VCAN: variants seen among roughly 807,000 people sequenced by gnomAD.
VCAN encodes the protein versican core protein.
A neutral mutation model predicts 245.5 loss-of-function variants in VCAN; 44 were observed. The ratio of observed to expected loss-of-function variants is 0.18; its 90% CI spans 0.14 to 0.23. The LOEUF (loss-of-function observed/expected upper bound fraction) is 0.23, where lower values mean the gene tolerates loss of function less well. Among genes scored for constraint, VCAN ranks in the 10% least tolerant of loss-of-function variants. The pLI is 1.00. For synonymous variants in VCAN, 1,413 were observed against 1,437.0 expected, an observed-to-expected ratio of 0.98 and a Z score of 0.38; for missense variants, 3,793 against 4,057.9, an observed-to-expected ratio of 0.93 and a Z score of 1.77.
chr5:83,528,513 A>G (rs1054399293), intron 7 of VCAN, among the ~76,000 whole-genome samples: 37 of 152,204 alleles, frequency 2.4e-4, no homozygotes, highest in African/African-American at 8.9e-4. Context: ...AAACTAGTAC[A>G]GTTCATGAAA....
At chr5:83,510,306 A>G (rs983615209) in intron 5 of VCAN, among the ~76,000 whole-genome samples, 3 of 152,172 alleles carry the variant, frequency 2.0e-5, no homozygotes, top group African/African-American at 4.8e-5. Context: ...TGCTTTGGCC[A>G]TTTTCCCCAT....
At chr5:83,568,923 T>C (rs143378709) in intron 12 of VCAN, among the ~76,000 whole-genome samples, 39 of 152,184 alleles carry the variant, frequency 2.6e-4, no homozygotes, top group African/African-American at 8.7e-4. Context: ...CACACACACA[T>C]ACATCCATAC....
At chr5:83,525,026 C>T (rs1422086853) in intron 7 of VCAN, among the ~76,000 whole-genome samples, 2 of 150,396 alleles carry the variant, frequency 1.3e-5, no homozygotes, top group African/African-American at 4.9e-5. Context: ...TTGCTGCACT[C>T]AGCGAGTCAT....
At chr5:83,535,828 A>G (rs1198677096) in intron 7 of VCAN, 1 of 152,138 alleles carries the variant, frequency 6.6e-6, no homozygotes, top group Non-Finnish European at 1.5e-5. Flanking sequence ...TTGAAAACTC[A>G]TTCTGTAGTA....
Position 83,539,367 on chromosome 5 carries a change from G to A in VCAN, c.6364G>A (p.Glu2122Lys). The change falls in exon 8 of 15, where the codon GAA becomes AAA. Residue 2122 changes from glutamate (E) to lysine (K), a missense_variant. Physicochemically the swap from Glu to Lys is moderately conservative, Grantham distance 56. This residue lies in a region of VCAN where 3,182 missense variants were observed against 3,250.3 expected (regional missense o/e 0.98). Coordinates refer to ENST00000265077, the MANE Select transcript of VCAN (RefSeq NM_004385.5). ...AACAACATCAGAGGAACAAATTCAA[G>A]AAGAAAAGTCATTTGAATCCCCTCA... ...SETTSEEQIQEEKSFESPQNS... is the reference protein window; with the variant it reads ...SETTSEEQIQKEKSFESPQNS... 6.2e-7 allele frequency: 1 copy of A among 1,614,008 alleles called. No individual in the cohort carries two copies. Among genetic ancestry groups the A allele is most frequent in the South Asian group, 1.1e-5 (1 of 91,076 alleles).
intron 7 of VCAN, among the ~76,000 whole-genome samples, chr5:83,529,935 G>A (rs2112426735): frequency 6.6e-6 from 1 of 152,148 alleles, no homozygotes; most frequent in South Asian, 2.1e-4. Flanking sequence ...GTTCTAAATA[G>A]GTAAAAGCCA....
chr5:83,519,852 A>C lies in VCAN; in HGVS notation c.1546A>C (p.Thr516Pro), dbSNP rs756803099. Residue 516 changes from threonine to proline, a missense_variant, in exon 7 of 15, where the codon ACT becomes CCT. Thr to Pro is a conservative substitution (Grantham distance 38). Transcript: ENST00000265077. ...KHIPSKEFPV[T>P]ETPLVTARMI... ...CATTCCTTCCAAGGAATTCCCTGTA[A>C]CTGAAACACCATTGGTAACTGCAAG... 6.2e-7 allele frequency: 1 copy of C among 1,614,172 alleles called. No homozygotes were observed. The highest frequency in any genetic ancestry group is 2.2e-5 in the East Asian group (1 of 44,886).
chr5:83,524,480 T>C (rs1471585063), intron 7 of VCAN, among the ~76,000 whole-genome samples: 2 of 152,076 alleles, frequency 1.3e-5, no homozygotes, highest in African/African-American at 4.8e-5. Context: ...AGGGGATGTA[T>C]CTGTGGAATA....
chr5:83,511,425 C>G (rs1254436271), intron 5 of VCAN, among the ~76,000 whole-genome samples: 3 of 151,994 alleles, frequency 2.0e-5, no homozygotes, highest in Admixed American at 1.3e-4. Context: ...CTAGGCCTTC[C>G]CTACACACTG....
intron 1 of VCAN, among the ~76,000 whole-genome samples, chr5:83,475,568 G>T (rs151313021): frequency 0.015 from 2,255 of 152,318 alleles, 18 homozygotes; most frequent in Non-Finnish European, 0.024. Flanking sequence ...TGAGATAGAA[G>T]CGGTTCCCAG....
Position 83,573,114 on chromosome 5 carries a change from G to A in VCAN, c.9880+554G>A, listed in dbSNP as rs564290855. Among the ~76,000 whole-genome samples, 7 of 151,874 alleles carry A rather than the reference G, an allele frequency of 4.6e-5. No homozygotes were observed. In the South Asian group the frequency reaches 1.5e-3, roughly 32 times the overall value. Reference sequence around the variant, plus strand: ...GGGGTTTCACCGTGTTAGCCAGGATGGTCTCAATCTCTTGACCTTGTAATC... The same window carrying A: ...GGGGTTTCACCGTGTTAGCCAGGATAGTCTCAATCTCTTGACCTTGTAATC... On this transcript the variant is annotated intron_variant, in intron 13 of 14. Coordinates refer to ENST00000265077, the MANE Select transcript of VCAN (RefSeq NM_004385.5).
At chr5:83,549,993 C>A (rs1446132867) in intron 10 of VCAN, among the ~76,000 whole-genome samples, 1 of 152,148 alleles carries the variant, frequency 6.6e-6, no homozygotes, top group Non-Finnish European at 1.5e-5. Context: ...TAGTAACTTC[C>A]CAAGTCACAG....
At chr5:83,549,154 T>C (rs1164324101) in intron 10 of VCAN, among the ~76,000 whole-genome samples, 1 of 152,194 alleles carries the variant, frequency 6.6e-6, no homozygotes, top group East Asian at 1.9e-4. Context: ...CATTCCAATA[T>C]GTTAAACATG....
intron 12 of VCAN, among the ~76,000 whole-genome samples, chr5:83,557,631 A>G (rs1167393340): frequency 1.3e-5 from 2 of 152,164 alleles, no homozygotes; most frequent in Non-Finnish European, 2.9e-5. Context: ...TCTGAAAAAC[A>G]TAACAGTGAC....
intron 7 of VCAN, among the ~76,000 whole-genome samples, chr5:83,530,187 G>A (rs1746464006): frequency 6.6e-6 from 1 of 152,026 alleles, no homozygotes; most frequent in Non-Finnish European, 1.5e-5. Flanking sequence ...TTCCTCAGTT[G>A]TGAAAGTTGG....
At chr5:83,543,662 A>G (rs1288827628) in intron 8 of VCAN, among the ~76,000 whole-genome samples, 1 of 152,200 alleles carries the variant, frequency 6.6e-6, no homozygotes, top group Non-Finnish European at 1.5e-5. Context: ...AGTTTAATAT[A>G]CTTCAGTTTG....
At chr5:83,569,725 A>T (rs1748218059) in intron 12 of VCAN, among the ~76,000 whole-genome samples, 1 of 152,146 alleles carries the variant, frequency 6.6e-6, no homozygotes, top group Non-Finnish European at 1.5e-5. Context: ...CCTGTAAGAG[A>T]CTAGTTGGAA....
At chr5:83,570,033 A>G (rs1166597654) in intron 12 of VCAN, among the ~76,000 whole-genome samples, 1 of 151,982 alleles carries the variant, frequency 6.6e-6, no homozygotes, top group Non-Finnish European at 1.5e-5. Flanking sequence ...GGAAATGAGC[A>G]AAGAAAAAAA....
chr5:83,548,451 G>A (rs188526680), intron 10 of VCAN, among the ~76,000 whole-genome samples: 1 of 152,214 alleles, frequency 6.6e-6, no homozygotes, highest in Non-Finnish European at 1.5e-5. Context: ...AGACTCAATG[G>A]ACTTATTTTT....
Sources: allele counts gnomAD v4.1 joint callset (sites outside exome capture counted in the v4.1 genomes callset), GRCh38; gene constraint gnomAD v4.1.1; regional missense constraint gnomAD v4.1.1; transcripts MANE v1.5; gene names NCBI Gene and HGNC (gene_info 2026-07-23, HGNC 2026-07-21).